SMARCA4: variants seen among roughly 807,000 people sequenced by gnomAD.
SMARCA4 encodes the protein SWI/SNF-related matrix-associated actin-dependent regulator of chromatin subfamily A member 4.
In SMARCA4, 31 loss-of-function variants were observed where a neutral mutation model predicts 193.9. That is an observed-to-expected ratio of 0.16 (90% CI 0.12 to 0.22). SMARCA4 has a LOEUF of 0.22. Ranked by LOEUF, SMARCA4 falls within the 10% of genes least tolerant of loss-of-function variation. The pLI, the probability that SMARCA4 is intolerant of heterozygous loss-of-function variation, is 1.00. For missense variants in SMARCA4, 1,148 were observed against 2,296.0 expected (o/e 0.50, Z 10.22); for synonymous variants, 942 against 933.1 (o/e 1.01, Z -0.17).
At chr19:11,038,400 C>T (rs1239064578) in intron 29 of SMARCA4, among the ~76,000 whole-genome samples, 1 of 152,190 alleles carries the variant, frequency 6.6e-6, no homozygotes, top group Non-Finnish European at 1.5e-5. Flanking sequence ...CTGGGGGGCA[C>T]CCGCCGCTCC....
chr19:10,961,338 G>C (rs1460285231), intron 1 of SMARCA4, 164 bp downstream of exon 1: 1 of 150,288 alleles, frequency 6.7e-6, no homozygotes, highest in Non-Finnish European at 1.5e-5. Flanking sequence ...CCGCGCGCGT[G>C]GGGAAGGCCA....
rs763867884 is a variant in SMARCA4 at position 11,041,318 on chromosome 19, G to A, written c.4182G>A (p.Glu1394=). ...TEKQWLKAIE[E]GTLEEIEEEV... ...TATTGACCCTGAAGGCCATCGAGGA[G>A]GGCACGCTGGAGGAGATCGAAGAGG... Residue 1394 remains glutamate, a synonymous_variant, in exon 30 of 35, where the codon GAG becomes GAA. Transcript: ENST00000344626. This position sits in a 1 kb window ranked among gnomAD's most constrained non-coding sequence, Gnocchi z 5.6. 6 of 1,610,562 alleles carry A rather than the reference G, an allele frequency of 3.7e-6. No individual in the cohort carries two copies. The African/African-American group carries it at 6.7e-5, about 18-fold the overall frequency.
chr19:11,047,968 T>C (rs767112714), intron 30 of SMARCA4, among the ~76,000 whole-genome samples: 14 of 152,148 alleles, frequency 9.2e-5, no homozygotes, highest in Non-Finnish European at 1.9e-4. Flanking sequence ...TTTATTATTA[T>C]TATTATTTGC....
At chr19:11,012,794 G>A in intron 15 of SMARCA4, 155 bp from the exon 16 acceptor site, 1 of 714,406 alleles carries the variant, frequency 1.4e-6, no homozygotes, top group Non-Finnish European at 2.6e-6. Flanking sequence ...GAATCAGTTT[G>A]GTTCAGAGGA....
chr19:11,009,687 C>CTTT (rs1275036196), intron 14 of SMARCA4, among the ~76,000 whole-genome samples: 3 of 126,384 alleles, frequency 2.4e-5, no homozygotes, highest in East Asian at 2.4e-4. Context: ...GCCCGGCTAA[C>CTTT]TTTTTTTTTT....
chr19:11,045,564 G>GA (rs35860397), intron 30 of SMARCA4, among the ~76,000 whole-genome samples: 38 of 151,956 alleles, frequency 2.5e-4, no homozygotes, highest in African/African-American at 8.7e-4. Context: ...CTTGGTTTTT[G>GA]AAAAGACAGA....
At chr19:10,991,793 G>C (rs1472110117) in intron 8 of SMARCA4, among the ~76,000 whole-genome samples, 5 of 152,174 alleles carry the variant, frequency 3.3e-5, no homozygotes, top group Non-Finnish European at 7.3e-5. Context: ...GTGAGTGGCG[G>C]GGAGAGCTGG....
chr19:11,055,972 C>T (rs928813616), intron 30 of SMARCA4, among the ~76,000 whole-genome samples: 2 of 152,096 alleles, frequency 1.3e-5, no homozygotes, highest in African/African-American at 4.8e-5. Flanking sequence ...TTCTGTTGCC[C>T]CTGCCTGTGC....
chr19:11,016,897 T>G (rs2089416512), intron 16 of SMARCA4, among the ~76,000 whole-genome samples: 1 of 152,104 alleles, frequency 6.6e-6, no homozygotes, highest in Non-Finnish European at 1.5e-5. Flanking sequence ...GCCCACTCCC[T>G]CAAATCAGCC....
chr19:11,024,323 C>T lies in SMARCA4; in HGVS notation c.2974-8C>T, dbSNP rs762963492. The T allele has an allele frequency of 1.3e-6, 2 of 1,597,306 alleles. No individual in the cohort carries two copies. The highest frequency in any genetic ancestry group is 2.2e-5 in the South Asian group (2 of 90,808). On this transcript the variant is annotated splice_region_variant and splice_polypyrimidine_tract_variant and intron_variant, in intron 20 of 34. Coordinates refer to ENST00000344626, the MANE Select transcript of SMARCA4 (RefSeq NM_003072.5). ...TGGGCCCTCGTGAGCATTATGTGTC[C>T]CCTGCAGGTGGAGTACGTCATCAAG...
rs182998046 is a variant in SMARCA4, at chr19:10,962,657, C to T, written c.-32+1483C>T. 9.1e-3 allele frequency among the ~76,000 whole-genome samples: 1,384 copies of T among 152,284 alleles called. 25 individuals carry two copies. The highest frequency in any genetic ancestry group is 0.032 in the African/African-American group (1,331 of 41,564). On this transcript the variant is annotated intron_variant, in intron 1 of 34. Coordinates refer to ENST00000344626, the MANE Select transcript of SMARCA4 (RefSeq NM_003072.5). ...TCCTGGGTTCAAGCGATTCTCCTGC[C>T]TCAGCCTCCTGAGTAGCTGGGACTA... is the stretch of plus-strand genomic sequence containing the variant.
chr19:11,000,833 C>T (rs2146053914), intron 11 of SMARCA4, among the ~76,000 whole-genome samples: 1 of 136,270 alleles, frequency 7.3e-6, no homozygotes. Flanking sequence ...GCACTCCAGC[C>T]TGGGCGACAG....
intron 21 of SMARCA4, 45 bp from the exon 22 acceptor site, chr19:11,025,377 C>T (rs760332503): frequency 7.2e-7 from 1 of 1,385,122 alleles, no homozygotes; most frequent in East Asian, 2.3e-5. Context: ...CACCCCACCC[C>T]AGGAGGGCAA....
At chr19:10,981,508 G>GA (rs1410371479) in intron 1 of SMARCA4, among the ~76,000 whole-genome samples, 1 of 152,230 alleles carries the variant, frequency 6.6e-6, no homozygotes, top group Non-Finnish European at 1.5e-5. Context: ...GCCTCCAGAT[G>GA]AATTTCCTTG....
At chr19:11,017,138 C>T (rs1399504172) in intron 16 of SMARCA4, among the ~76,000 whole-genome samples, 1 of 152,254 alleles carries the variant, frequency 6.6e-6, no homozygotes, top group Non-Finnish European at 1.5e-5. Flanking sequence ...GTTCATACCA[C>T]TGTCTGCGGC....
Position 11,041,431 on chromosome 19 carries a change from A to C in SMARCA4, c.4295A>C (p.Asp1432Ala). 6.2e-7 allele frequency: 1 copy of C among 1,612,568 alleles called. No individual in the cohort carries two copies. The highest frequency in any genetic ancestry group is 8.5e-7 in the Non-Finnish European group (1 of 1,179,946). The part of the protein sequence containing the change: ...STPTTSTRSR[D>A]KDDESKKQKK... ...CCGACCACCAGCACCCGCAGCCGCGACAAGGACGACGAGAGCAAGAAGCAG... is the reference window on the plus strand; with the variant it reads ...CCGACCACCAGCACCCGCAGCCGCGCCAAGGACGACGAGAGCAAGAAGCAG... The change falls in exon 30 of 35, where the codon GAC (aspartate) becomes GCC (alanine). Residue 1432 changes from aspartate to alanine, a missense_variant. This residue lies in a region of SMARCA4 where 141 missense variants were observed against 193.0 expected (regional missense o/e 0.73). Coordinates refer to ENST00000344626, the MANE Select transcript of SMARCA4 (RefSeq NM_003072.5). This position sits in a 1 kb window ranked among gnomAD's most constrained non-coding sequence, Gnocchi z 5.6.
In SMARCA4 at chr19:11,039,520, G is replaced by T. The variant is rs780721689; in HGVS notation, c.4171-1787G>T. On this transcript the variant is annotated intron_variant, in intron 29 of 34. Coordinates refer to ENST00000344626, the MANE Select transcript of SMARCA4 (RefSeq NM_003072.5). ...GTGTGGCACGTGGGCTACAATTCCA[G>T]CGTGGCCTTCAGTTCTGCACACGTG... 3.1e-6 allele frequency: 5 copies of T among 1,603,624 alleles called. No homozygotes were observed. In the East Asian group the frequency reaches 9.0e-5, roughly 29 times the overall value.
At position 10,989,428 on chromosome 19, in the gene SMARCA4, G is replaced by T. The variant is rs2086356109; in HGVS notation, c.1230G>T (p.Leu410=). ...TTGAGCTCAAGGCCCTCAGGCTGCT[G>T]AACTTCCAGAGGCAGGTGGGTGCTG... is the stretch of plus-strand genomic sequence containing the variant. ...ATIELKALRL[L]NFQRQLRQEV... Residue 410 remains leucine (L), a synonymous_variant, in exon 7 of 35, where the codon CTG becomes CTT. Transcript: ENST00000344626. 6.2e-7 allele frequency: 1 copy of T among 1,614,112 alleles called. No homozygotes were observed. The highest frequency in any genetic ancestry group is 8.5e-7 in the Non-Finnish European group (1 of 1,179,998).
chr19:11,060,692 C>G (rs1336112233), intron 34 of SMARCA4, among the ~76,000 whole-genome samples: 1 of 152,224 alleles, frequency 6.6e-6, no homozygotes, highest in Non-Finnish European at 1.5e-5. Flanking sequence ...GTCTCTGGCC[C>G]TTCCTGGCTG....
Sources: allele counts gnomAD v4.1 joint callset (sites outside exome capture counted in the v4.1 genomes callset), GRCh38; gene constraint gnomAD v4.1.1; regional missense constraint gnomAD v4.1.1; non-coding constraint Gnocchi (gnomAD v3.1); transcripts MANE v1.5; gene names NCBI Gene and HGNC (gene_info 2026-07-23, HGNC 2026-07-21).